PDE8A: variants seen among roughly 807,000 people sequenced by gnomAD.
PDE8A encodes high affinity cAMP-specific and IBMX-insensitive 3',5'-cyclic phosphodiesterase 8A.
In PDE8A, 59 loss-of-function variants were observed where a neutral mutation model predicts 105.0. That is an observed-to-expected ratio of 0.56 (90% CI 0.46 to 0.70). The LOEUF is 0.70. PDE8A is among the 30% of genes least tolerant of loss of function. PDE8A has a pLI of 0.00. For missense variants in PDE8A, 1,014 were observed against 1,045.9 expected, an observed-to-expected ratio of 0.97 and a Z score of 0.42; for synonymous variants, 355 against 371.9, an observed-to-expected ratio of 0.95 and a Z score of 0.52.
intron 3 of PDE8A, among the ~76,000 whole-genome samples, chr15:85,073,226 C>A (rs1213276572): frequency 6.6e-6 from 1 of 152,228 alleles, no homozygotes; most frequent in South Asian, 2.1e-4. Flanking sequence ...ATTCTGACTT[C>A]CTGAACATTC....
At position 84,982,009 on chromosome 15, in the gene PDE8A, G is replaced by T; in HGVS notation, c.-154G>T. Reference sequence around the variant, plus strand: ...CGCAGCGCCCGCACCGCGATAAAAGGGGCGGCCGCGTTTCCTGACGCGAGA... The same window carrying T: ...CGCAGCGCCCGCACCGCGATAAAAGTGGCGGCCGCGTTTCCTGACGCGAGA... On this transcript the variant is annotated 5_prime_UTR_variant, in exon 1 of 22. Transcript: ENST00000394553. The T allele has an allele frequency of 5.8e-6, 2 of 346,140 alleles. No individual in the cohort carries two copies. Among genetic ancestry groups the T allele is most frequent in the South Asian group, 2.6e-4 (2 of 7,614 alleles). 21.4% of individuals were successfully genotyped at this position (346,140 alleles called of 1,614,324 possible).
Position 85,137,778 on chromosome 15 carries a change from T to A in PDE8A, c.2384-19T>A. ...ACAGAGGCTGTGAAAGCATATCACA[T>A]TCCTATCTTTCTCTCCAGCCTTTGT... On this transcript the variant is annotated intron_variant, in intron 21 of 21. Transcript: ENST00000394553. 2.0e-6 allele frequency: 3 copies of A among 1,467,862 alleles called. No homozygotes were observed. Among genetic ancestry groups the A allele is most frequent in the Non-Finnish European group, 2.9e-6 (3 of 1,046,524 alleles). 90.9% of individuals were successfully genotyped at this position (1,467,862 alleles called of 1,614,324 possible). A position where few individuals can be genotyped will look rare whatever the true frequency, so the allele number is the denominator to read the frequency against.
chr15:85,115,103 C>T (rs960740866), intron 14 of PDE8A, among the ~76,000 whole-genome samples: 1 of 152,160 alleles, frequency 6.6e-6, no homozygotes, highest in Non-Finnish European at 1.5e-5. Flanking sequence ...CCCTAAGAAA[C>T]CAAATGGTCC....
intron 8 of PDE8A, among the ~76,000 whole-genome samples, chr15:85,093,433 C>T (rs2081683224): frequency 6.6e-6 from 1 of 152,138 alleles, no homozygotes; most frequent in Non-Finnish European, 1.5e-5. Context: ...GGAACAGTGG[C>T]ACTGTGATCA....
chr15:85,131,459 A>G lies in PDE8A; in HGVS notation c.2254-5075A>G, dbSNP rs924120260. Among the ~76,000 whole-genome samples, 7 of 152,192 alleles carry G rather than the reference A, an allele frequency of 4.6e-5. No individual in the cohort carries two copies. The East Asian group carries it at 1.2e-3, about 25-fold the overall frequency. On this transcript the variant is annotated intron_variant, in intron 20 of 21. Coordinates refer to ENST00000394553, the MANE Select transcript of PDE8A (RefSeq NM_002605.3). ...GCATTGTGGATACCATAGAGATTGCATAGGACAACCTAAAGTTACAACAGT... is the reference window on the plus strand; with the variant it reads ...GCATTGTGGATACCATAGAGATTGCGTAGGACAACCTAAAGTTACAACAGT...
chr15:85,012,551 G>T (rs1448821810), intron 1 of PDE8A, among the ~76,000 whole-genome samples: 1 of 130,938 alleles, frequency 7.6e-6, no homozygotes, highest in Non-Finnish European at 1.6e-5. Flanking sequence ...GCTGTTGTGG[G>T]TTGGGGGGAG....
intron 3 of PDE8A, among the ~76,000 whole-genome samples, chr15:85,072,450 A>G (rs1387292737): frequency 6.6e-6 from 1 of 152,224 alleles, no homozygotes; most frequent in African/African-American, 2.4e-5. Context: ...ATGGCTACCT[A>G]GAAAATAGAT....
chr15:85,043,492 G>C (rs774438065), intron 1 of PDE8A, among the ~76,000 whole-genome samples: 16 of 152,114 alleles, frequency 1.1e-4, no homozygotes, highest in Non-Finnish European at 2.2e-4. Flanking sequence ...CTCGGATTGG[G>C]TTATCTCTCC....
At chr15:85,118,728 G>T (rs1389961621) in intron 17 of PDE8A, among the ~76,000 whole-genome samples, 1 of 152,208 alleles carries the variant, frequency 6.6e-6, no homozygotes, top group Non-Finnish European at 1.5e-5. Context: ...TTCTGCCCTT[G>T]ACCTGTTGCT....
intron 4 of PDE8A, among the ~76,000 whole-genome samples, chr15:85,076,279 G>A (rs892164845): frequency 6.6e-6 from 1 of 152,130 alleles, no homozygotes; most frequent in African/African-American, 2.4e-5. Flanking sequence ...GGTAAGGAAA[G>A]AAGAGAAATA....
rs189213850 is a variant in PDE8A, at chr15:85,078,987, A to T, written c.546+2200A>T. Among the ~76,000 whole-genome samples the T allele has an allele frequency of 2.6e-5, 4 of 152,312 alleles. No individual in the cohort carries two copies. The East Asian group carries it at 7.7e-4, about 29-fold the overall frequency. On this transcript the variant is annotated intron_variant, in intron 5 of 21. Transcript: ENST00000394553. ...TAATTCAGAAAAGGACTCTAACCAT[A>T]TAAGAAATGAACTACAACAGAAATT...
At chr15:85,033,588 G>C (rs2080652397) in intron 1 of PDE8A, among the ~76,000 whole-genome samples, 1 of 152,210 alleles carries the variant, frequency 6.6e-6, no homozygotes, top group African/African-American at 2.4e-5. Context: ...GTCCAAGCCA[G>C]GCGTGGTGGC....
intron 8 of PDE8A, among the ~76,000 whole-genome samples, chr15:85,095,330 A>C (rs907661027): frequency 2.0e-5 from 3 of 152,130 alleles, no homozygotes; most frequent in African/African-American, 4.8e-5. Flanking sequence ...TATTATTCTC[A>C]GGAACTAAAT....
chr15:85,008,734 G>A (rs1368691726), intron 1 of PDE8A, among the ~76,000 whole-genome samples: 1 of 152,060 alleles, frequency 6.6e-6, no homozygotes, highest in Non-Finnish European at 1.5e-5. Context: ...CCTCTAGTCT[G>A]CCTGAATCCT....
chr15:85,002,423 C>T (rs1001983386), intron 1 of PDE8A, among the ~76,000 whole-genome samples: 2 of 152,330 alleles, frequency 1.3e-5, no homozygotes, highest in South Asian at 2.1e-4. Context: ...GGGTCCCAAG[C>T]ACAGGAGCTT....
In PDE8A at chr15:85,126,466, G is replaced by A. The variant is rs35114584; in HGVS notation, c.2253+92G>A. The A allele has an allele frequency of 3.9e-5, 38 of 984,568 alleles. 1 individual carries two copies. The East Asian group carries it at 1.1e-3, about 29-fold the overall frequency. The allele number at this position is 984,568 out of a possible 1,614,324, so 61.0% of individuals were successfully genotyped here. ...TAATGGACTTAACACTAGGAAATAG[G>A]GTTCTAAAAAAATTCTGTCCTTGTT... On this transcript the variant is annotated intron_variant, in intron 20 of 21. Coordinates refer to ENST00000394553, the MANE Select transcript of PDE8A (RefSeq NM_002605.3).
chr15:85,124,053 G>A (rs1249513365), intron 19 of PDE8A, among the ~76,000 whole-genome samples: 1 of 152,176 alleles, frequency 6.6e-6, no homozygotes, highest in Admixed American at 6.5e-5. Context: ...TCCTCACTTA[G>A]AGGAGCATGT....
intron 20 of PDE8A, among the ~76,000 whole-genome samples, chr15:85,127,349 G>A (rs566496921): frequency 6.6e-6 from 1 of 152,228 alleles, no homozygotes; most frequent in Non-Finnish European, 1.5e-5. Context: ...AGGAGAGAGA[G>A]GTTTAAAGAA....
rs569450270 is a variant in PDE8A at position 85,129,663 on chromosome 15, C to A, written c.2253+3289C>A. Among the ~76,000 whole-genome samples, 10 of 67,968 alleles carry A rather than the reference C, an allele frequency of 1.5e-4. No homozygotes were observed. The South Asian group carries it at 6.6e-3, about 45-fold the overall frequency. 44.6% of individuals were successfully genotyped at this position (67,968 alleles called of 152,430 possible). A position where few individuals can be genotyped will look rare whatever the true frequency, so the allele number is the denominator to read the frequency against. On this transcript the variant is annotated intron_variant, in intron 20 of 21. Coordinates refer to ENST00000394553, the MANE Select transcript of PDE8A (RefSeq NM_002605.3). ...CTTGTTGATCTTTTCAAAAAATTATCTTTTGGTTTTGTTTTTTTCTGTTCT... is the reference window on the plus strand; with the variant it reads ...CTTGTTGATCTTTTCAAAAAATTATATTTTGGTTTTGTTTTTTTCTGTTCT...
Sources: allele counts gnomAD v4.1 joint callset (sites outside exome capture counted in the v4.1 genomes callset), GRCh38; gene constraint gnomAD v4.1.1; transcripts MANE v1.5; gene names NCBI Gene and HGNC (gene_info 2026-07-23, HGNC 2026-07-21).